Variants in COL8A1 observed in about 807,000 individuals in gnomAD.
COL8A1 encodes collagen type VIII alpha 1 chain, also known as collagen alpha-1(VIII) chain.
COL8A1 carries 21 observed loss-of-function variants against 42.7 expected under a neutral mutation model. That is an observed-to-expected ratio of 0.49 (90% CI 0.35 to 0.71). The LOEUF (loss-of-function observed/expected upper bound fraction) is 0.71. COL8A1 is among the 30% of genes least tolerant of loss of function. The pLI is 0.01. For synonymous variants in COL8A1, 367 were observed against 369.1 expected (o/e 0.99, Z 0.06); for missense variants, 788 against 962.4 (o/e 0.82, Z 2.40).
chr3:99,692,420 G>C (rs1939247536), intron 1 of COL8A1, among the ~76,000 whole-genome samples: 1 of 152,198 alleles, frequency 6.6e-6, no homozygotes, highest in African/African-American at 2.4e-5. Flanking sequence ...TATATTCCCT[G>C]GTAACAAGTC....
At chr3:99,707,398 G>A (rs1939710260) in intron 1 of COL8A1, among the ~76,000 whole-genome samples, 1 of 152,172 alleles carries the variant, frequency 6.6e-6, no homozygotes, top group South Asian at 2.1e-4. Context: ...TCCAACTAAA[G>A]AGCTGTCTGC....
intron 1 of COL8A1, among the ~76,000 whole-genome samples, chr3:99,712,106 G>T (rs1000525000): frequency 6.6e-6 from 1 of 152,088 alleles, no homozygotes; most frequent in Admixed American, 6.6e-5. Flanking sequence ...GAAATTGAAA[G>T]GTTTTAAAAG....
At chr3:99,649,332 T>G (rs1196237598) in intron 1 of COL8A1, among the ~76,000 whole-genome samples, 1 of 151,986 alleles carries the variant, frequency 6.6e-6, no homozygotes. Context: ...TATTTACCTC[T>G]GCAACCTCAA....
chr3:99,775,393 T>C (rs1941675581), intron 2 of COL8A1, among the ~76,000 whole-genome samples: 1 of 152,150 alleles, frequency 6.6e-6, no homozygotes, highest in African/African-American at 2.4e-5. Context: ...TGGCAAGATA[T>C]GGGAAAAGAG....
rs147914860 is a variant in COL8A1 at position 99,746,809 on chromosome 3, G to A, written c.-4+1788G>A. The stretch of plus-strand genomic sequence containing the variant: ...CATGGTCATCAATTCAGGCAGGCCT[G>A]AAGCTTACAAATGATAAGTTTGTCA... On this transcript the variant is annotated intron_variant, in intron 2 of 3. Coordinates refer to ENST00000652472, the MANE Select transcript of COL8A1 (RefSeq NM_020351.4). Among the ~76,000 whole-genome samples the A allele has an allele frequency of 3.9e-3, 599 of 152,308 alleles. 3 individuals carry two copies. The highest frequency in any genetic ancestry group is 6.5e-3 in the Non-Finnish European group (439 of 68,004).
At chr3:99,680,480 G>A (rs1326108726) in intron 1 of COL8A1, 1 of 152,178 alleles carries the variant, frequency 6.6e-6, no homozygotes, top group Non-Finnish European at 1.5e-5. Context: ...CTTCATAGCA[G>A]CATGATTTAT....
At chr3:99,667,132 A>C (rs929735192) in intron 1 of COL8A1, among the ~76,000 whole-genome samples, 14 of 152,156 alleles carry the variant, frequency 9.2e-5, no homozygotes, top group Admixed American at 8.5e-4. Context: ...CTAAATCCAA[A>C]CCCTCATTTA....
chr3:99,678,937 G>T (rs564443317), intron 1 of COL8A1: 5 of 152,052 alleles, frequency 3.3e-5, no homozygotes, highest in Non-Finnish European at 7.4e-5. Context: ...AAATTAAATT[G>T]TCCTATATAT....
At chr3:99,659,015 G>T (rs1449945514) in intron 1 of COL8A1, among the ~76,000 whole-genome samples, 1 of 152,194 alleles carries the variant, frequency 6.6e-6, no homozygotes, top group Non-Finnish European at 1.5e-5. Flanking sequence ...CAGCATTCTA[G>T]GTGATTCTTA....
intron 1 of COL8A1, among the ~76,000 whole-genome samples, chr3:99,685,094 A>G (rs1939008398): frequency 1.3e-5 from 2 of 152,210 alleles, no homozygotes; most frequent in Admixed American, 1.3e-4. Flanking sequence ...TTTATTCTTA[A>G]TATAATAAAA....
chr3:99,759,157 T>G (rs1474993922), intron 2 of COL8A1, among the ~76,000 whole-genome samples: 2 of 152,012 alleles, frequency 1.3e-5, no homozygotes, highest in Non-Finnish European at 2.9e-5. Flanking sequence ...TTTGTTTGGT[T>G]TATTGTCTTG....
intron 2 of COL8A1, among the ~76,000 whole-genome samples, chr3:99,776,566 G>A (rs184329922): frequency 9.2e-5 from 14 of 152,206 alleles, no homozygotes; most frequent in South Asian, 2.1e-4. Flanking sequence ...AAAAAAATTA[G>A]GAATAAATGA....
Position 99,734,253 on chromosome 3 carries a change from G to A in COL8A1, c.-128-10644G>A, listed in dbSNP as rs1276146862. Among the ~76,000 whole-genome samples, 18 of 139,710 alleles carry A rather than the reference G, an allele frequency of 1.3e-4. 5 individuals carry two copies. Among genetic ancestry groups the A allele is most frequent in the Non-Finnish European group, 2.1e-4 (14 of 65,256 alleles). The allele number at this position is 139,710 out of a possible 152,430, so 91.7% of individuals were successfully genotyped here. A position where few individuals can be genotyped will look rare whatever the true frequency, so the allele number is the denominator to read the frequency against. Reference sequence around the variant, plus strand: ...CCTATGTCCTGAATAGTATTGCCTAGGTTTTCTTCTAGGGTTTTTAGGGTT... The same window carrying A: ...CCTATGTCCTGAATAGTATTGCCTAAGTTTTCTTCTAGGGTTTTTAGGGTT... On this transcript the variant is annotated intron_variant, in intron 1 of 3. Coordinates refer to ENST00000652472, the MANE Select transcript of COL8A1 (RefSeq NM_020351.4).
intron 1 of COL8A1, among the ~76,000 whole-genome samples, chr3:99,668,960 A>G (rs1938446559): frequency 6.6e-6 from 1 of 151,884 alleles, no homozygotes; most frequent in East Asian, 1.9e-4. Flanking sequence ...CAGCTTTAGT[A>G]GGTCAGAAAT....
chr3:99,775,717 T>C (rs1941681567), intron 2 of COL8A1, among the ~76,000 whole-genome samples: 1 of 152,184 alleles, frequency 6.6e-6, no homozygotes, highest in African/African-American at 2.4e-5. Context: ...GCAATCCACC[T>C]ATACCTCCCA....
intron 1 of COL8A1, among the ~76,000 whole-genome samples, chr3:99,669,146 T>TATATATATATATATATATAG: frequency 9.5e-5 from 11 of 115,388 alleles, no homozygotes; most frequent in South Asian, 2.8e-4. Context: ...TATATATATA[T>TATATATATATATATATATAG]AGAGGGAGAG....
At chr3:99,657,120 C>T (rs938857149) in intron 1 of COL8A1, among the ~76,000 whole-genome samples, 1 of 152,168 alleles carries the variant, frequency 6.6e-6, no homozygotes, top group Non-Finnish European at 1.5e-5. Context: ...CTGACTTCAT[C>T]CTTTTATGGG....
intron 1 of COL8A1, among the ~76,000 whole-genome samples, chr3:99,686,434 G>A (rs758505649): frequency 3.9e-5 from 6 of 152,182 alleles, no homozygotes; most frequent in Non-Finnish European, 5.9e-5. Context: ...ATTCACAAAG[G>A]AGGAAAGACC....
chr3:99,734,176 G>C (rs1576454386), intron 1 of COL8A1, among the ~76,000 whole-genome samples: 2 of 148,646 alleles, frequency 1.3e-5, no homozygotes, highest in East Asian at 3.9e-4. Context: ...TGTCAATTTT[G>C]TCTTTTGTTG....
Sources: allele counts gnomAD v4.1 joint callset (sites outside exome capture counted in the v4.1 genomes callset), GRCh38; gene constraint gnomAD v4.1.1; transcripts MANE v1.5; gene names NCBI Gene and HGNC (gene_info 2026-07-23, HGNC 2026-07-21).